LRRTM4: variants seen among roughly 807,000 people sequenced by gnomAD.
LRRTM4 encodes the protein leucine-rich repeat transmembrane neuronal protein 4.
LRRTM4 carries 25 observed loss-of-function variants against 47.6 expected under a neutral mutation model. That is an observed-to-expected ratio of 0.53 (90% CI 0.38 to 0.73). LRRTM4 has a LOEUF of 0.73. Ranked by LOEUF, LRRTM4 falls within the 30% of genes least tolerant of loss-of-function variation. The pLI, the probability that LRRTM4 is intolerant of heterozygous loss-of-function variation, is 0.00. For synonymous variants in LRRTM4, 311 were observed against 269.5 expected, an observed-to-expected ratio of 1.15 and a Z score of -1.51; for missense variants, 638 against 713.4, an observed-to-expected ratio of 0.89 and a Z score of 1.20.
chr2:76,798,082 G>C (rs1341377587), intron 3 of LRRTM4, among the ~76,000 whole-genome samples: 1 of 151,150 alleles, frequency 6.6e-6, no homozygotes, highest in Non-Finnish European at 1.5e-5. Flanking sequence ...ATTGAACTCA[G>C]CTCTGCAGCA....
chr2:77,485,500 T>C (rs1677875488), intron 3 of LRRTM4, among the ~76,000 whole-genome samples: 2 of 152,168 alleles, frequency 1.3e-5, no homozygotes, highest in Admixed American at 1.3e-4. Flanking sequence ...CAAAGAAATG[T>C]ATAATGGGGT....
intron 3 of LRRTM4, among the ~76,000 whole-genome samples, chr2:77,187,271 C>G (rs916187902): frequency 2.0e-5 from 3 of 152,116 alleles, no homozygotes; most frequent in African/African-American, 7.2e-5. Flanking sequence ...TCGATTTCAG[C>G]CAAATCACAT....
At chr2:77,482,686 T>C (rs1259019952) in intron 3 of LRRTM4, among the ~76,000 whole-genome samples, 1 of 152,192 alleles carries the variant, frequency 6.6e-6, no homozygotes, top group Non-Finnish European at 1.5e-5. Context: ...CCGTGGTAAT[T>C]ATCATCAAAA....
chr2:77,482,928 C>T (rs1677763121), intron 3 of LRRTM4, among the ~76,000 whole-genome samples: 1 of 151,742 alleles, frequency 6.6e-6, no homozygotes, highest in Non-Finnish European at 1.5e-5. Flanking sequence ...TAAGACCATC[C>T]TGGCCAACAT....
At chr2:76,887,508 T>C (rs1475645262) in intron 3 of LRRTM4, among the ~76,000 whole-genome samples, 1 of 141,420 alleles carries the variant, frequency 7.1e-6, no homozygotes, top group South Asian at 2.3e-4. Context: ...TATATACACA[T>C]ATATATATCA....
At chr2:77,320,542 G>A (rs1026053650) in intron 3 of LRRTM4, among the ~76,000 whole-genome samples, 1 of 152,078 alleles carries the variant, frequency 6.6e-6, no homozygotes, top group African/African-American at 2.4e-5. Context: ...GTCTCAAAAG[G>A]ACTCAATGTG....
At chr2:77,427,526 T>C (rs1675170951) in intron 3 of LRRTM4, among the ~76,000 whole-genome samples, 1 of 152,218 alleles carries the variant, frequency 6.6e-6, no homozygotes, top group African/African-American at 2.4e-5. Context: ...CAATGATTTA[T>C]AAGCACAGAG....
chr2:77,286,120 T>G (rs796869986), intron 3 of LRRTM4, among the ~76,000 whole-genome samples: 1 of 152,082 alleles, frequency 6.6e-6, no homozygotes, highest in South Asian at 2.1e-4. Context: ...AATTGGATGT[T>G]TCCTGTTATT....
chr2:77,207,383 A>G (rs1051762350), intron 3 of LRRTM4, among the ~76,000 whole-genome samples: 31 of 146,718 alleles, frequency 2.1e-4, no homozygotes, highest in Non-Finnish European at 4.2e-4. Context: ...ACACACACAC[A>G]TATTTATATA....
At position 77,105,269 on chromosome 2, in the gene LRRTM4, T is replaced by C. The variant is rs373108131; in HGVS notation, c.1552-356353A>G. Reference sequence around the variant, plus strand: ...TTGTGGATTTAAAAAGAAATTATTTTGTGTAGATGATACTGTTATTTTGGT... The same window carrying C: ...TTGTGGATTTAAAAAGAAATTATTTCGTGTAGATGATACTGTTATTTTGGT... On this transcript the variant is annotated intron_variant, in intron 3 of 3. Coordinates refer to ENST00000409884, the MANE Select transcript of LRRTM4 (RefSeq NM_001134745.3). 1.2e-3 allele frequency among the ~76,000 whole-genome samples: 189 copies of C among 152,234 alleles called. 2 individuals are homozygous for C. Among genetic ancestry groups the C allele is most frequent in the African/African-American group, 3.9e-3 (160 of 41,532 alleles).
At chr2:76,888,220 G>A (rs1043668023) in intron 3 of LRRTM4, among the ~76,000 whole-genome samples, 6 of 151,242 alleles carry the variant, frequency 4.0e-5, no homozygotes, top group African/African-American at 1.5e-4. Flanking sequence ...GAATAACAAT[G>A]AAATGTAGAA....
intron 3 of LRRTM4, among the ~76,000 whole-genome samples, chr2:77,020,734 G>T (rs1678237675): frequency 6.6e-6 from 1 of 152,046 alleles, no homozygotes; most frequent in Non-Finnish European, 1.5e-5. Context: ...TCAAACACTG[G>T]TCATTTCTTA....
At chr2:77,063,260 C>T (rs1324143992) in intron 3 of LRRTM4, among the ~76,000 whole-genome samples, 3 of 152,024 alleles carry the variant, frequency 2.0e-5, no homozygotes, top group Non-Finnish European at 2.9e-5. Flanking sequence ...GCCCGGCCTC[C>T]CCTTGTTCTT....
intron 3 of LRRTM4, among the ~76,000 whole-genome samples, chr2:77,440,210 C>A (rs2103926793): frequency 6.6e-6 from 1 of 152,170 alleles, no homozygotes; most frequent in African/African-American, 2.4e-5. Flanking sequence ...GTCACGAAAT[C>A]GAGACCATCC....
At chr2:76,932,157 G>A (rs780553062) in intron 3 of LRRTM4, among the ~76,000 whole-genome samples, 10 of 151,964 alleles carry the variant, frequency 6.6e-5, no homozygotes, top group East Asian at 1.9e-4. Flanking sequence ...CTTGAGCCAC[G>A]GAGCATCATA....
chr2:76,854,365 G>T (rs1294164463), intron 3 of LRRTM4, among the ~76,000 whole-genome samples: 14 of 152,124 alleles, frequency 9.2e-5, no homozygotes, highest in Middle Eastern at 3.4e-3. Context: ...CTCAATAAAT[G>T]TATAAATCAT....
chr2:77,103,647 GTA>G (rs367583554), intron 3 of LRRTM4, among the ~76,000 whole-genome samples: 42 of 123,950 alleles, frequency 3.4e-4, no homozygotes, highest in South Asian at 5.8e-4. Context: ...ATACATGAGT[GTA>G]TATATATATA....
chr2:76,927,596 A>C (rs961691721), intron 3 of LRRTM4, among the ~76,000 whole-genome samples: 2 of 152,120 alleles, frequency 1.3e-5, no homozygotes, highest in African/African-American at 4.8e-5. Context: ...CTCTATTCCA[A>C]TCCACTAATT....
intron 3 of LRRTM4, among the ~76,000 whole-genome samples, chr2:77,191,337 T>C (rs1251217093): frequency 2.0e-5 from 3 of 151,962 alleles, no homozygotes; most frequent in South Asian, 2.1e-4. Flanking sequence ...AAGAACACAG[T>C]ATATGGAAAT....
Sources: gnomAD v4.1 joint callset for allele counts (sites outside exome capture counted in the v4.1 genomes callset) on GRCh38, gnomAD v4.1.1 for gene constraint, MANE v1.5 for transcripts, NCBI Gene and HGNC (gene_info 2026-07-23, HGNC 2026-07-21) for gene names.